The following ROBO2 variants were observed in gnomAD, a reference collection of about 807,000 sequenced individuals.
ROBO2 encodes roundabout guidance receptor 2, also known as roundabout homolog 2.
A neutral mutation model predicts 160.8 loss-of-function variants in ROBO2; 53 were observed. The observed-to-expected ratio is 0.33, with a 90% confidence interval of 0.26 to 0.41. ROBO2 has a LOEUF of 0.41. Among genes scored for constraint, ROBO2 ranks in the 10% least tolerant of loss-of-function variants. The pLI is 1.00. For synonymous variants in ROBO2, 664 were observed against 611.7 expected (o/e 1.09, Z -1.26); for missense variants, 1,577 against 1,722.4 (o/e 0.92, Z 1.49).
intron 24 of ROBO2, among the ~76,000 whole-genome samples, chr3:77,638,547 T>C (rs552269261): frequency 1.3e-5 from 2 of 152,180 alleles, no homozygotes; most frequent in East Asian, 3.9e-4. Flanking sequence ...CTGTGTCCCA[T>C]AAGAGAGATT....
intron 2 of ROBO2, among the ~76,000 whole-genome samples, chr3:76,782,211 G>T (rs778890023): frequency 2.6e-4 from 39 of 150,496 alleles, no homozygotes; most frequent in African/African-American, 9.5e-4. Context: ...TTTCTTCCTA[G>T]TATTGATTTC....
intron 2 of ROBO2, among the ~76,000 whole-genome samples, chr3:77,472,157 A>C (rs1440843809): frequency 6.6e-6 from 1 of 152,102 alleles, no homozygotes; most frequent in Non-Finnish European, 1.5e-5. Context: ...ATCTTTTATA[A>C]ACTGATCTTG....
In ROBO2 at chr3:76,032,760, G is replaced by T. The variant is rs2066968665; in HGVS notation, c.109+95158G>T. ...TTTCTGTTCTTTTACATTTGCTGAGGAGTAGTAGCACTTCTTACATTTCTA... is the reference window on the plus strand; with the variant it reads ...TTTCTGTTCTTTTACATTTGCTGAGTAGTAGTAGCACTTCTTACATTTCTA... On this transcript the variant is annotated intron_variant, in intron 2 of 26. Transcript: ENST00000487694. Among the ~76,000 whole-genome samples the T allele has an allele frequency of 5.3e-5, 8 of 152,222 alleles. No individual in the cohort carries two copies. The South Asian group carries it at 1.7e-3, about 32-fold the overall frequency.
intron 2 of ROBO2, among the ~76,000 whole-genome samples, chr3:76,618,471 A>T (rs887987525): frequency 1.3e-5 from 2 of 150,536 alleles, no homozygotes; most frequent in Non-Finnish European, 1.5e-5. Context: ...AATCTCATAC[A>T]TATATCAGCA....
At chr3:77,417,231 CTTTTTT>C (rs10552785) in intron 2 of ROBO2, among the ~76,000 whole-genome samples, 1 of 141,900 alleles carries the variant, frequency 7.0e-6, no homozygotes, top group Non-Finnish European at 1.5e-5. Context: ...AGGGTAACCA[CTTTTTT>C]TTTTTTTTTT....
intron 2 of ROBO2, among the ~76,000 whole-genome samples, chr3:75,965,757 C>T (rs953533785): frequency 2.0e-5 from 3 of 151,580 alleles, no homozygotes; most frequent in African/African-American, 7.3e-5. Context: ...GACCAAAGCA[C>T]ATGATTAATA....
At chr3:75,936,388 T>C (rs1281060824) in intron 1 of ROBO2, among the ~76,000 whole-genome samples, 1 of 152,192 alleles carries the variant, frequency 6.6e-6, no homozygotes, top group East Asian at 1.9e-4. Context: ...TTAAGTTTAC[T>C]TTTCTTAACT....
chr3:76,042,343 T>C (rs2067299697), intron 2 of ROBO2, among the ~76,000 whole-genome samples: 1 of 152,028 alleles, frequency 6.6e-6, no homozygotes, highest in African/African-American at 2.4e-5. Context: ...TGTGCACAGG[T>C]ATGTGCGAAT....
At chr3:76,009,793 G>T (rs2066142216) in intron 2 of ROBO2, among the ~76,000 whole-genome samples, 1 of 152,118 alleles carries the variant, frequency 6.6e-6, no homozygotes, top group African/African-American at 2.4e-5. Flanking sequence ...TTCCTTAAAG[G>T]TTGGCATGTA....
At chr3:76,555,432 G>GAAGAAA (rs1560141931) in intron 2 of ROBO2, among the ~76,000 whole-genome samples, 7 of 91,668 alleles carry the variant, frequency 7.6e-5, no homozygotes, top group Admixed American at 4.3e-4. Context: ...AAGGAGAAGG[G>GAAGAAA]GAAGGGGAAG....
chr3:75,924,606 G>A (rs981354557), intron 1 of ROBO2, among the ~76,000 whole-genome samples: 7 of 150,618 alleles, frequency 4.6e-5, no homozygotes, highest in African/African-American at 1.2e-4. Flanking sequence ...CAGTAAGACG[G>A]CTTTTATTTT....
intron 2 of ROBO2, among the ~76,000 whole-genome samples, chr3:76,567,636 TATATATATATATATATAC>T (rs1408068413): frequency 1.6e-4 from 14 of 87,460 alleles, no homozygotes; most frequent in South Asian, 4.2e-4. Context: ...TATATATATA[TATATATATATATATATAC>T]ACATACACAT....
intron 2 of ROBO2, among the ~76,000 whole-genome samples, chr3:75,976,215 T>TAAAA (rs1283870987): frequency 6.6e-6 from 1 of 151,594 alleles, no homozygotes; most frequent in Non-Finnish European, 1.5e-5. Context: ...AGAAACTCAA[T>TAAAA]AAAAATGTGT....
chr3:76,099,889 T>G (rs1246659111), intron 2 of ROBO2, among the ~76,000 whole-genome samples: 1 of 152,150 alleles, frequency 6.6e-6, no homozygotes, highest in African/African-American at 2.4e-5. Flanking sequence ...CCATGGATTC[T>G]CCACTTGATA....
At chr3:77,122,853 G>A (rs2074916140) in intron 2 of ROBO2, among the ~76,000 whole-genome samples, 1 of 152,162 alleles carries the variant, frequency 6.6e-6, no homozygotes, top group Non-Finnish European at 1.5e-5. Flanking sequence ...TGAATACACT[G>A]CCTCTTTTTC....
chr3:77,074,736 T>A (rs1172120747), intron 1 of ROBO2, among the ~76,000 whole-genome samples: 4 of 145,288 alleles, frequency 2.8e-5, no homozygotes, highest in African/African-American at 1.1e-4. Flanking sequence ...AATGAATAAG[T>A]GATGAATGAA....
chr3:76,521,335 C>G (rs1415746034), intron 2 of ROBO2, among the ~76,000 whole-genome samples: 2 of 152,086 alleles, frequency 1.3e-5, no homozygotes, highest in Non-Finnish European at 2.9e-5. Context: ...AGGCATGAGC[C>G]ACCGCGCCTG....
chr3:76,735,728 C>T (rs1471105118), intron 2 of ROBO2, among the ~76,000 whole-genome samples: 2 of 130,362 alleles, frequency 1.5e-5, no homozygotes, highest in Admixed American at 1.8e-4. Flanking sequence ...CGTACAGCTT[C>T]AGCCCAGGGT....
At chr3:77,331,471 T>C (rs977091370) in intron 2 of ROBO2, among the ~76,000 whole-genome samples, 1 of 152,170 alleles carries the variant, frequency 6.6e-6, no homozygotes, top group South Asian at 2.1e-4. Flanking sequence ...CCCAGAGTGT[T>C]GTATCAGATT....
Sources: allele counts gnomAD v4.1 joint callset (sites outside exome capture counted in the v4.1 genomes callset), GRCh38; gene constraint gnomAD v4.1.1; transcripts MANE v1.5; gene names NCBI Gene and HGNC (gene_info 2026-07-23, HGNC 2026-07-21).